The following PTPRR variants were observed in gnomAD, a reference collection of about 807,000 sequenced individuals.
The protein encoded by PTPRR is receptor-type tyrosine-protein phosphatase R.
In PTPRR, 38 loss-of-function variants were observed where a neutral mutation model predicts 77.2. That is an observed-to-expected ratio of 0.49 (90% confidence interval 0.38 to 0.65). PTPRR has a LOEUF of 0.65. PTPRR is among the 30% of genes least tolerant of loss of function. The pLI is 0.00. For synonymous variants in PTPRR, 299 were observed against 283.1 expected, an observed-to-expected ratio of 1.06 and a Z score of -0.57; for missense variants, 744 against 799.2, an observed-to-expected ratio of 0.93 and a Z score of 0.83.
chr12:70,778,011 T>C (rs1415811262), intron 2 of PTPRR, among the ~76,000 whole-genome samples: 1 of 152,232 alleles, frequency 6.6e-6, no homozygotes, highest in African/African-American at 2.4e-5. Context: ...TTTAGAAGGA[T>C]GTCACCATTC....
At chr12:70,652,585 CA>C (rs1886436595) in intron 13 of PTPRR, among the ~76,000 whole-genome samples, 1 of 152,110 alleles carries the variant, frequency 6.6e-6, no homozygotes, top group Non-Finnish European at 1.5e-5. Context: ...GGCAGTCATT[CA>C]AACTCAAGGG....
intron 6 of PTPRR, among the ~76,000 whole-genome samples, chr12:70,721,454 A>C (rs912629650): frequency 6.6e-6 from 1 of 152,204 alleles, no homozygotes; most frequent in Non-Finnish European, 1.5e-5. Context: ...CACACGGTGG[A>C]TAGCTCCTGT....
chr12:70,860,559 A>G, intron 2 of PTPRR, among the ~76,000 whole-genome samples: 1 of 152,158 alleles, frequency 6.6e-6, no homozygotes, highest in South Asian at 2.1e-4. Context: ...CTTCATGTGT[A>G]TGTGCTACCT....
At chr12:70,665,054 A>AT (rs1260275155) in intron 10 of PTPRR, among the ~76,000 whole-genome samples, 2 of 152,156 alleles carry the variant, frequency 1.3e-5, no homozygotes, top group African/African-American at 2.4e-5. Flanking sequence ...GGGAAGAAAA[A>AT]TGCTGCCTTA....
At chr12:70,774,876 A>G (rs1429577812) in intron 2 of PTPRR, among the ~76,000 whole-genome samples, 2 of 152,232 alleles carry the variant, frequency 1.3e-5, no homozygotes, top group African/African-American at 4.8e-5. Context: ...GATAGATGCT[A>G]GAAATGCACA....
At chr12:70,651,690 G>A (rs1034743220) in intron 13 of PTPRR, among the ~76,000 whole-genome samples, 3 of 152,184 alleles carry the variant, frequency 2.0e-5, no homozygotes, top group African/African-American at 7.2e-5. Context: ...TAAAATGGCA[G>A]AGTATTATCA....
intron 1 of PTPRR, 38 bp downstream of exon 1, chr12:70,920,295 C>A (rs1254195970): frequency 6.3e-6 from 10 of 1,594,146 alleles, no homozygotes; most frequent in South Asian, 1.1e-5. Context: ...TTTCCCATCT[C>A]ATGCACAGCT....
intron 3 of PTPRR, among the ~76,000 whole-genome samples, chr12:70,762,956 C>A (rs907293210): frequency 6.6e-6 from 1 of 152,100 alleles, no homozygotes; most frequent in South Asian, 2.1e-4. Context: ...CCTCCTTCAC[C>A]CTTGCAAACA....
intron 10 of PTPRR, among the ~76,000 whole-genome samples, chr12:70,670,361 T>C (rs1445419578): frequency 6.6e-6 from 1 of 152,208 alleles, no homozygotes; most frequent in African/African-American, 2.4e-5. Context: ...TGCCTGGGCT[T>C]TGGAATTAAA....
At chr12:70,684,553 G>A (rs1887790163) in intron 9 of PTPRR, 151 bp downstream of exon 9, 1 of 666,856 alleles carries the variant, frequency 1.5e-6, no homozygotes, top group Non-Finnish European at 2.6e-6. Context: ...CATTAACAAT[G>A]TTGATTATGA....
chr12:70,796,418 G>A (rs1335756589), intron 2 of PTPRR, among the ~76,000 whole-genome samples: 2 of 151,944 alleles, frequency 1.3e-5, no homozygotes, highest in Non-Finnish European at 2.9e-5. Context: ...CTTACCAAGT[G>A]CCAATTAGCA....
chr12:70,666,938 T>TG (rs1887024751), intron 10 of PTPRR, among the ~76,000 whole-genome samples: 1 of 43,358 alleles, frequency 2.3e-5, no homozygotes, highest in Non-Finnish European at 3.8e-5. Flanking sequence ...TTTTTCTGTT[T>TG]TTTTTTTTTT....
At chr12:70,672,573 T>A in intron 10 of PTPRR, 1 of 1,394,322 alleles carries the variant, frequency 7.2e-7, no homozygotes, top group Non-Finnish European at 1.0e-6. Flanking sequence ...CTCTGGGCCT[T>A]GCCTTGGTGA....
chr12:70,746,842 G>C (rs957272583), intron 5 of PTPRR, among the ~76,000 whole-genome samples: 24 of 151,752 alleles, frequency 1.6e-4, no homozygotes, highest in Non-Finnish European at 3.2e-4. Context: ...ATTAAACATT[G>C]AACTCCTAAG....
At chr12:70,914,645 G>C (rs977428870) in intron 1 of PTPRR, among the ~76,000 whole-genome samples, 5 of 152,118 alleles carry the variant, frequency 3.3e-5, no homozygotes, top group Non-Finnish European at 7.4e-5. Context: ...GAAGTGTTGA[G>C]TAAAAATAGT....
chr12:70,642,104 C>T lies in PTPRR; in HGVS notation c.1881-2827G>A, dbSNP rs188021854. 5.3e-3 allele frequency among the ~76,000 whole-genome samples: 800 copies of T among 152,056 alleles called. 5 individuals are homozygous for T. Among genetic ancestry groups the T allele is most frequent in the African/African-American group, 0.019 (771 of 41,472 alleles). Reference sequence around the variant, plus strand: ...AGGCTTATTTTCTCTTCCAGCTGCACGTTAGAGACCAATAGATCTGTGTTT... The same window carrying T: ...AGGCTTATTTTCTCTTCCAGCTGCATGTTAGAGACCAATAGATCTGTGTTT... On this transcript the variant is annotated intron_variant, in intron 13 of 13. Transcript: ENST00000283228.
At chr12:70,866,732 AAG>A (rs1283847447) in intron 2 of PTPRR, among the ~76,000 whole-genome samples, 13 of 152,310 alleles carry the variant, frequency 8.5e-5, no homozygotes, top group East Asian at 5.8e-4. Context: ...ACAACCAAAA[AAG>A]AGAATTTTAG....
rs1428164569 is a variant in PTPRR, at chr12:70,733,870, C to T, written c.1007+11948G>A. On this transcript the variant is annotated intron_variant, in intron 6 of 13. Transcript: ENST00000283228. ...ACTGTTCTGCTCTAGAGGTCATGTG[C>T]TAATATCTGGGTGAATTTGATGAGA... Among the ~76,000 whole-genome samples, 3 of 152,196 alleles carry T rather than the reference C, an allele frequency of 2.0e-5. No individual in the cohort carries two copies. The East Asian group carries it at 5.8e-4, about 29-fold the overall frequency.
chr12:70,765,942 C>T (rs891741211), intron 2 of PTPRR, among the ~76,000 whole-genome samples: 3 of 152,210 alleles, frequency 2.0e-5, no homozygotes, highest in Admixed American at 2.0e-4. Flanking sequence ...AACAGACCTG[C>T]AGCTGAGGGT....
Sources: allele counts gnomAD v4.1 joint callset (sites outside exome capture counted in the v4.1 genomes callset), GRCh38; gene constraint gnomAD v4.1.1; transcripts MANE v1.5; gene names NCBI Gene and HGNC (gene_info 2026-07-23, HGNC 2026-07-21).